Variants in FGF14 observed in about 807,000 individuals in gnomAD.
FGF14 encodes the protein fibroblast growth factor homologous factor 4.
FGF14 carries 5 observed loss-of-function variants against 25.5 expected under a neutral mutation model. That is an observed-to-expected ratio of 0.20 (90% confidence interval 0.10 to 0.41). The LOEUF is 0.41. FGF14 is among the 10% of genes least tolerant of loss of function. The probability of loss-of-function intolerance (pLI) is 1.00; values close to 1 mark genes in which losing one functional copy is unlikely to be tolerated. For synonymous variants in FGF14, 138 were observed against 118.3 expected, an observed-to-expected ratio of 1.17 and a Z score of -1.08; for missense variants, 222 against 320.1, an observed-to-expected ratio of 0.69 and a Z score of 2.34.
chr13:101,780,144 C>T (rs2039399839), intron 3 of FGF14, among the ~76,000 whole-genome samples: 1 of 152,086 alleles, frequency 6.6e-6, no homozygotes, highest in South Asian at 2.1e-4. Context: ...ACAATATTTA[C>T]TATTTAAAGT....
At chr13:101,804,612 G>T in intron 3 of FGF14, among the ~76,000 whole-genome samples, 1 of 151,972 alleles carries the variant, frequency 6.6e-6, no homozygotes, top group East Asian at 1.9e-4. Flanking sequence ...ATGCTGATGT[G>T]GGAAGGCACA....
chr13:101,863,119 A>C (rs2044509958), intron 3 of FGF14, among the ~76,000 whole-genome samples: 1 of 152,166 alleles, frequency 6.6e-6, no homozygotes, highest in Non-Finnish European at 1.5e-5. Context: ...ATAGTGTCAT[A>C]GATTGTTATA....
At chr13:102,052,187 T>G (rs2042239967) in intron 1 of FGF14, among the ~76,000 whole-genome samples, 1 of 152,116 alleles carries the variant, frequency 6.6e-6, no homozygotes, top group Non-Finnish European at 1.5e-5. Flanking sequence ...AAAGACAGGT[T>G]ATTTGAAAAT....
chr13:102,161,635 A>AAGG (rs2047715922), intron 1 of FGF14, among the ~76,000 whole-genome samples: 2 of 11,414 alleles, frequency 1.8e-4, no homozygotes, highest in Non-Finnish European at 1.5e-4. Flanking sequence ...GAAGAAGAAG[A>AAGG]AGAAGAAGAA....
chr13:102,353,655 T>G (rs1237010780), intron 1 of FGF14, among the ~76,000 whole-genome samples: 2 of 152,192 alleles, frequency 1.3e-5, no homozygotes, highest in African/African-American at 4.8e-5. Flanking sequence ...ATGGATCACT[T>G]CAATCCATCC....
intron 1 of FGF14, among the ~76,000 whole-genome samples, chr13:102,375,494 A>G (rs1054027854): frequency 1.3e-5 from 2 of 152,218 alleles, no homozygotes; most frequent in Non-Finnish European, 2.9e-5. Context: ...AACGTTGTAG[A>G]AGACTAGGCA....
chr13:101,771,613 T>C (rs1008520846), intron 3 of FGF14, among the ~76,000 whole-genome samples: 2 of 152,084 alleles, frequency 1.3e-5, no homozygotes, highest in Admixed American at 1.3e-4. Context: ...ATCAGGGTTG[T>C]TGTAATATTG....
rs1211952738 is a variant in FGF14, at chr13:102,097,578, T to C, written c.209-222282A>G. On this transcript the variant is annotated intron_variant, in intron 1 of 4. Transcript: ENST00000376131. ...GTCCAAGTGATTAAAGAGTCCAAAA[T>C]CTTAGACTGACGCAGTAACACTCAG... is the stretch of plus-strand genomic sequence containing the variant. Among the ~76,000 whole-genome samples, 8 of 152,218 alleles carry C rather than the reference T, an allele frequency of 5.3e-5. No individual in the cohort carries two copies. In the East Asian group the frequency reaches 1.5e-3, roughly 29 times the overall value.
At chr13:102,014,477 A>G (rs1393511947) in intron 1 of FGF14, among the ~76,000 whole-genome samples, 2 of 152,184 alleles carry the variant, frequency 1.3e-5, no homozygotes, top group Non-Finnish European at 2.9e-5. Context: ...TTTAAGCATC[A>G]TCGCAAGTGC....
intron 1 of FGF14, among the ~76,000 whole-genome samples, chr13:102,380,471 C>T (rs900228555): frequency 2.0e-5 from 3 of 152,116 alleles, no homozygotes; most frequent in Non-Finnish European, 4.4e-5. Flanking sequence ...ATGGCTGCAA[C>T]TTTCCTCAGA....
intron 3 of FGF14, among the ~76,000 whole-genome samples, chr13:101,792,225 T>C (rs1225755381): frequency 1.3e-5 from 2 of 152,146 alleles, no homozygotes; most frequent in Non-Finnish European, 2.9e-5. Flanking sequence ...GAACTGTAGC[T>C]ATTTTCCTAT....
At chr13:101,752,640 A>G (rs1015110479) in intron 3 of FGF14, among the ~76,000 whole-genome samples, 21 of 152,218 alleles carry the variant, frequency 1.4e-4, no homozygotes, top group African/African-American at 4.1e-4. Flanking sequence ...CCCCTTTCAT[A>G]CAGAAAGTCT....
chr13:102,374,551 T>A (rs978693732), intron 1 of FGF14, among the ~76,000 whole-genome samples: 16 of 150,492 alleles, frequency 1.1e-4, no homozygotes, highest in Admixed American at 2.7e-4. Flanking sequence ...AGTCCATACC[T>A]TATTCACTTT....
At chr13:102,058,089 T>C (rs1392318727) in intron 1 of FGF14, among the ~76,000 whole-genome samples, 1 of 152,206 alleles carries the variant, frequency 6.6e-6, no homozygotes. Context: ...TTAGCACTTG[T>C]AACAAAGGAC....
chr13:102,351,777 G>A (rs1476781112), intron 1 of FGF14, among the ~76,000 whole-genome samples: 1 of 152,220 alleles, frequency 6.6e-6, no homozygotes, highest in African/African-American at 2.4e-5. Context: ...CCAGGGTGAG[G>A]GATCCAGGAG....
intron 1 of FGF14, among the ~76,000 whole-genome samples, chr13:102,143,325 A>G (rs1487176762): frequency 1.3e-5 from 2 of 151,972 alleles, no homozygotes; most frequent in Non-Finnish European, 2.9e-5. Context: ...ATAACTATTA[A>G]CCCTTCTACT....
chr13:102,013,809 C>A (rs1270500329), intron 1 of FGF14, among the ~76,000 whole-genome samples: 1 of 152,062 alleles, frequency 6.6e-6, no homozygotes, highest in Non-Finnish European at 1.5e-5. Flanking sequence ...GTCAAATAAG[C>A]ATTTTATCTT....
intron 3 of FGF14, among the ~76,000 whole-genome samples, chr13:101,868,010 C>T (rs1395265914): frequency 1.3e-5 from 2 of 151,264 alleles, no homozygotes; most frequent in Admixed American, 6.6e-5. Context: ...AGAGTTTCAA[C>T]GAATTTACAT....
rs115076122 is a variant in FGF14, at chr13:102,250,277, C to T, written c.208+151194G>A. Among the ~76,000 whole-genome samples, 440 of 152,242 alleles carry T rather than the reference C, an allele frequency of 2.9e-3. 2 individuals are homozygous for T. The highest frequency in any genetic ancestry group is 0.01 in the African/African-American group (418 of 41,544). ...ACAAGGAGAGGACAGCCACAATTTC[C>T]CTGGGACACAGGCTTCCAATGTGAA... On this transcript the variant is annotated intron_variant, in intron 1 of 4. Coordinates refer to the FGF14 transcript ENST00000376131.
Sources: gnomAD v4.1 joint callset for allele counts (sites outside exome capture counted in the v4.1 genomes callset) on GRCh38, gnomAD v4.1.1 for gene constraint, MANE v1.5 for transcripts, NCBI Gene and HGNC (gene_info 2026-07-23, HGNC 2026-07-21) for gene names.